LARGE1: variants seen among roughly 807,000 people sequenced by gnomAD.
LARGE1 encodes xylosyl- and glucuronyltransferase LARGE1.
LARGE1 carries 43 observed loss-of-function variants against 87.6 expected under a neutral mutation model. That is an observed-to-expected ratio of 0.49 (90% CI 0.38 to 0.63). The LOEUF (loss-of-function observed/expected upper bound fraction) is 0.63, where lower values mean the gene tolerates loss of function less well. LARGE1 is among the 30% of genes least tolerant of loss of function. The pLI is 0.00. For synonymous variants in LARGE1, 434 were observed against 394.6 expected (o/e 1.10, Z -1.18); for missense variants, 802 against 1,000.2 (o/e 0.80, Z 2.67).
intron 2 of LARGE1, among the ~76,000 whole-genome samples, chr22:33,728,978 AC>A (rs1229533255): frequency 1.3e-5 from 2 of 151,722 alleles, no homozygotes; most frequent in African/African-American, 2.4e-5. Context: ...ATTAACTGTC[AC>A]CCCCCTCCCC....
chr22:33,178,252 A>G (rs1922984791), intron 11 of LARGE1, among the ~76,000 whole-genome samples: 1 of 152,172 alleles, frequency 6.6e-6, no homozygotes, highest in Non-Finnish European at 1.5e-5. Context: ...TTCCTTTGTC[A>G]TGAAGCTGAG....
At chr22:33,475,649 G>C (rs1476893765) in intron 6 of LARGE1, among the ~76,000 whole-genome samples, 1 of 151,842 alleles carries the variant, frequency 6.6e-6, no homozygotes, top group Non-Finnish European at 1.5e-5. Context: ...TTTTAGTAGA[G>C]ACGGGGTTTC....
intron 1 of LARGE1, among the ~76,000 whole-genome samples, chr22:33,799,680 C>T (rs8141208): frequency 0.018 from 2,767 of 152,242 alleles, 80 homozygotes; most frequent in African/African-American, 0.062. Flanking sequence ...AATCTGCCCG[C>T]CTCGGCCTCC....
intron 11 of LARGE1, among the ~76,000 whole-genome samples, chr22:33,219,968 A>AAAAAG (rs1925380283): frequency 6.6e-6 from 1 of 152,222 alleles, no homozygotes; most frequent in South Asian, 2.1e-4. Context: ...GAAGAGAGAA[A>AAAAAG]AAAAGAAAAG....
At chr22:33,190,656 G>A (rs889269759) in intron 11 of LARGE1, among the ~76,000 whole-genome samples, 2 of 152,072 alleles carry the variant, frequency 1.3e-5, no homozygotes, top group Non-Finnish European at 2.9e-5. Context: ...ACTGGGAGGG[G>A]TCCGATCAGT....
At chr22:33,399,689 C>T (rs2065873619) in intron 7 of LARGE1, among the ~76,000 whole-genome samples, 1 of 152,166 alleles carries the variant, frequency 6.6e-6, no homozygotes, top group Non-Finnish European at 1.5e-5. Flanking sequence ...GCTGGGACTA[C>T]AGGCGCCTGC....
At chr22:33,454,355 C>A (rs972795944) in intron 6 of LARGE1, among the ~76,000 whole-genome samples, 3 of 152,042 alleles carry the variant, frequency 2.0e-5, no homozygotes, top group Non-Finnish European at 4.4e-5. Flanking sequence ...CACAGTGGCT[C>A]ACACCTGTAA....
At chr22:33,282,504 G>C (rs1480797906) in intron 13 of LARGE1, among the ~76,000 whole-genome samples, 1 of 152,158 alleles carries the variant, frequency 6.6e-6, no homozygotes, top group Non-Finnish European at 1.5e-5. Context: ...CTGTCCCCAG[G>C]ACATGGAACC....
At chr22:33,757,327 T>A (rs985422382) in intron 2 of LARGE1, among the ~76,000 whole-genome samples, 2 of 152,180 alleles carry the variant, frequency 1.3e-5, no homozygotes, top group South Asian at 4.1e-4. Flanking sequence ...TTCCCCTTAA[T>A]CGGGGAAGAT....
intron 13 of LARGE1, among the ~76,000 whole-genome samples, chr22:33,278,716 C>G (rs1229644279): frequency 1.3e-5 from 2 of 152,048 alleles, no homozygotes; most frequent in African/African-American, 4.8e-5. Context: ...CTTCACCTCT[C>G]TTTTTTTATT....
chr22:33,656,915 T>A (rs762763201), intron 2 of LARGE1: 9 of 152,198 alleles, frequency 5.9e-5, no homozygotes, highest in African/African-American at 9.6e-5. Flanking sequence ...GAAGGTAAAT[T>A]GAAAATCAAC....
rs1929459545 is a variant in LARGE1 at position 33,277,083 on chromosome 22, G to A, written c.2050C>T (p.His684Tyr). The A allele has an allele frequency of 3.1e-6, 5 of 1,614,090 alleles. No homozygotes were observed. Among genetic ancestry groups the A allele is most frequent in the Middle Eastern group, 1.6e-4 (1 of 6,084 alleles). The change falls in exon 14 of 15, where the codon CAT becomes TAT. Residue 684 changes from histidine (H) to tyrosine (Y), a missense_variant. Around this residue, in one of 2 missense-constraint regions of LARGE1, gnomAD observed 625 missense variants for 841.9 expected, o/e 0.74. Coordinates refer to ENST00000397394, the MANE Select transcript of LARGE1 (RefSeq NM_133642.5). ...FVGFGWNKVA[H>Y]IMELDVQEYE... The stretch of plus-strand genomic sequence containing the variant: ...ACCTGCACATCCAGCTCCATGATAT[G>A]AGCCACTTTGTTCCAGCCAAAGCCT...
intron 2 of LARGE1, among the ~76,000 whole-genome samples, chr22:33,757,595 T>C (rs1490194264): frequency 6.6e-6 from 1 of 152,170 alleles, no homozygotes; most frequent in African/African-American, 2.4e-5. Context: ...AACCCTATGC[T>C]GAGAGCAGCC....
chr22:33,731,258 C>T (rs1356762613), intron 2 of LARGE1, among the ~76,000 whole-genome samples: 1 of 152,094 alleles, frequency 6.6e-6, no homozygotes, highest in Non-Finnish European at 1.5e-5. Flanking sequence ...CCACCTCAGC[C>T]TCCCAAAGTG....
intron 4 of LARGE1, among the ~76,000 whole-genome samples, chr22:33,611,891 G>A (rs1462383494): frequency 6.6e-6 from 1 of 152,122 alleles, no homozygotes; most frequent in Non-Finnish European, 1.5e-5. Flanking sequence ...CATGTGAGCT[G>A]GCTGTTTAAA....
intron 10 of LARGE1, among the ~76,000 whole-genome samples, chr22:33,325,455 A>G (rs921024059): frequency 6.6e-6 from 1 of 152,248 alleles, no homozygotes; most frequent in African/African-American, 2.4e-5. Context: ...AATCCTGTAG[A>G]GCAGGCTGGG....
chr22:33,528,861 ATTTTT>A (rs1186638669), intron 6 of LARGE1, among the ~76,000 whole-genome samples: 1 of 152,082 alleles, frequency 6.6e-6, no homozygotes, highest in Non-Finnish European at 1.5e-5. Flanking sequence ...TTAGGATTTT[ATTTTT>A]ATTTCTTAGT....
chr22:33,302,105 A>G (rs970917462), intron 12 of LARGE1, among the ~76,000 whole-genome samples: 9 of 152,176 alleles, frequency 5.9e-5, no homozygotes, highest in African/African-American at 1.9e-4. Context: ...ACTCACTCCC[A>G]TCATCTATCT....
intron 2 of LARGE1, chr22:33,743,996 T>G (rs998745637): frequency 1.3e-5 from 2 of 152,316 alleles, no homozygotes; most frequent in Admixed American, 6.5e-5. Context: ...ATTTTGTGCT[T>G]TTTCCATCAT....
Sources: gnomAD v4.1 joint callset for allele counts (sites outside exome capture counted in the v4.1 genomes callset) on GRCh38, gnomAD v4.1.1 for gene constraint, gnomAD v4.1.1 regional missense constraint, MANE v1.5 for transcripts, NCBI Gene and HGNC (gene_info 2026-07-23, HGNC 2026-07-21) for gene names.